Variants in DUSP15 observed in about 807,000 individuals in gnomAD.
DUSP15 encodes dual specificity protein phosphatase 15.
Under a neutral mutation model 26.3 loss-of-function variants are expected in DUSP15, and 23 were observed. The ratio of observed to expected loss-of-function variants is 0.87; its 90% CI spans 0.63 to 1.24. The LOEUF is 1.24. DUSP15 is among the 50% of genes most tolerant of loss of function. The probability of loss-of-function intolerance (pLI) is 0.00; values close to 1 mark genes in which losing one functional copy is unlikely to be tolerated. For synonymous variants in DUSP15, 143 were observed against 135.5 expected (o/e 1.06, Z -0.39); for missense variants, 364 against 320.6 (o/e 1.14, Z -1.03).
At chr20:31,849,797 C>T in exon 8 of DUSP15, 11 of 1,541,658 alleles carry the variant, frequency 7.1e-6, no homozygotes, top group Non-Finnish European at 9.6e-6. Context: ...CGGACTCAGA[C>T]GACAGCGCTG....
At chr20:31,849,504 A>T in intron 8 of DUSP15, 1 of 759,010 alleles carries the variant, frequency 1.3e-6, no homozygotes, top group Non-Finnish European at 2.4e-6. Flanking sequence ...CCCCGTTCCC[A>T]CGCCACTCTG....
chr20:31,846,442 T>TAGAGAGAGAGAGAGAGAGAGAGAGAGAG (rs71185371), downstream of DUSP15, among the ~76,000 whole-genome samples: 9 of 107,776 alleles, frequency 8.4e-5, no homozygotes, highest in African/African-American at 3.6e-4. Flanking sequence ...AAGGAATGAA[T>TAGAGAGAGAGAGAGAGAGAGAGAGAGAG]AGAGAGAGAG....
chr20:31,851,424 A>C (rs1431589471), intron 6 of DUSP15, among the ~76,000 whole-genome samples: 1 of 151,970 alleles, frequency 6.6e-6, no homozygotes, highest in African/African-American at 2.4e-5. Flanking sequence ...ATGGAGCTGG[A>C]CCCGATGGGG....
At chr20:31,868,188 A>G (rs1160855086) in intron 2 of DUSP15, among the ~76,000 whole-genome samples, 2 of 152,204 alleles carry the variant, frequency 1.3e-5, no homozygotes, top group African/African-American at 2.4e-5. Context: ...TTGGCTGGGC[A>G]CTGGAGGTCT....
chr20:31,850,519 C>A, intron 7 of DUSP15: 1 of 1,327,514 alleles, frequency 7.5e-7, no homozygotes. Flanking sequence ...GGGCTGGGTG[C>A]TTTGGGTGGG....
chr20:31,850,567 C>T, intron 7 of DUSP15: 1 of 1,584,516 alleles, frequency 6.3e-7, no homozygotes, highest in Non-Finnish European at 8.6e-7. Flanking sequence ...CGGCCGTCCC[C>T]AGTTCAGCAC....
downstream of DUSP15, among the ~76,000 whole-genome samples, chr20:31,846,926 T>A (rs1219020532): frequency 6.6e-6 from 1 of 152,102 alleles, no homozygotes; most frequent in Non-Finnish European, 1.5e-5. Flanking sequence ...AAGAGCCTAG[T>A]ATGGAGTAGG....
Position 31,861,388 on chromosome 20 carries a change from G to T in DUSP15, c.*15C>A, listed in dbSNP as rs772625177. The T allele has an allele frequency of 1.3e-6, 2 of 1,538,496 alleles. No homozygotes were observed. The highest frequency in any genetic ancestry group is 2.4e-5 in the South Asian group (2 of 82,628). ...GAGCCAGTCGGAAGTGGGGAGCCAC[G>T]GCTGGACTGCATCCTCACTTGCCGC... is the stretch of plus-strand genomic sequence containing the variant. On this transcript the variant is annotated 3_prime_UTR_variant, in exon 7 of 7. Transcript: ENST00000339738.
downstream of DUSP15, among the ~76,000 whole-genome samples, chr20:31,859,770 G>T (rs539134587): frequency 6.6e-6 from 1 of 152,276 alleles, no homozygotes; most frequent in East Asian, 1.9e-4. Flanking sequence ...TTAAATAGGG[G>T]AAGACACCAT....
chr20:31,865,063 C>T (rs186214340), intron 3 of DUSP15, 61 bp from the exon 4 acceptor site: 1 of 1,588,308 alleles, frequency 6.3e-7, no homozygotes, highest in East Asian at 2.2e-5. Flanking sequence ...TGATGCTGGT[C>T]CGAGCTGCCC....
At chr20:31,868,885 A>G (rs1293839059) in intron 2 of DUSP15, among the ~76,000 whole-genome samples, 1 of 152,190 alleles carries the variant, frequency 6.6e-6, no homozygotes, top group African/African-American at 2.4e-5. Flanking sequence ...GTATCTATAC[A>G]TGGGTGTCCC....
chr20:31,861,756 C>G, intron 6 of DUSP15, 81 bp from the exon 7 acceptor site: 1 of 1,169,618 alleles, frequency 8.5e-7, no homozygotes, highest in Non-Finnish European at 1.1e-6. Context: ...CCCACCCTCC[C>G]GACCTTCGCC....
downstream of DUSP15, among the ~76,000 whole-genome samples, chr20:31,860,394 C>T (rs2062624618): frequency 6.6e-6 from 1 of 152,236 alleles, no homozygotes; most frequent in Admixed American, 6.5e-5. Context: ...GTATCAGCTG[C>T]AGTGACTTCT....
At chr20:31,870,647 CACGGCCCGCGGGACA>C, upstream of DUSP15, 1 of 1,289,426 alleles carries the variant, frequency 7.8e-7, no homozygotes, top group South Asian at 2.4e-5. The surrounding 1 kb of genome is among the most constrained non-coding windows in gnomAD (Gnocchi z 6.6). Context: ...GTGCCGGGCC[CACGGCCCGCGGGACA>C]ACGGCAGTTT....
At chr20:31,864,814 C>T (rs2062731983) in intron 4 of DUSP15, 139 bp downstream of exon 4, 2 of 904,964 alleles carry the variant, frequency 2.2e-6, no homozygotes, top group African/African-American at 3.3e-5. Flanking sequence ...GAGACAGAGT[C>T]AAACCTGGGA....
At chr20:31,864,930 T>C (rs2062733738) in intron 4 of DUSP15, 23 bp downstream of exon 4, 2 of 1,611,270 alleles carry the variant, frequency 1.2e-6, no homozygotes, top group Non-Finnish European at 1.7e-6. Flanking sequence ...TGTCCATCTA[T>C]GGGTCCATCC....
At chr20:31,848,596 C>A in intron 9 of DUSP15, 1 of 1,536,380 alleles carries the variant, frequency 6.5e-7, no homozygotes. Flanking sequence ...ATGAGCAGAC[C>A]CTCTCCATTT....
rs951099113 is a variant in DUSP15 at position 31,870,028 on chromosome 20, A to C, written c.21+289T>G. 1.4e-5 allele frequency: 19 copies of C among 1,320,798 alleles called. No individual in the cohort carries two copies. The highest frequency in any genetic ancestry group is 1.7e-5 in the Non-Finnish European group (18 of 1,037,124). 81.8% of individuals were successfully genotyped at this position (1,320,798 alleles called of 1,614,324 possible). ...AGCGACAAGGGAGAGGGACACATGC[A>C]GACGGAGAGCAGGACTCACTGGGAG... On this transcript the variant is annotated intron_variant, in intron 1 of 6. Coordinates refer to ENST00000339738, the MANE Select transcript of DUSP15 (RefSeq NM_080611.5). The surrounding 1 kb of genome is among the most constrained non-coding windows in gnomAD (Gnocchi z 6.6).
chr20:31,848,146 G>T (rs890695777), exon 10 of DUSP15: 16 of 480,638 alleles, frequency 3.3e-5, no homozygotes, highest in African/African-American at 3.3e-4. Flanking sequence ...AAGAGATGAA[G>T]TCTTGCTTCT....
Sources: allele counts gnomAD v4.1 joint callset (sites outside exome capture counted in the v4.1 genomes callset), GRCh38; gene constraint gnomAD v4.1.1; non-coding constraint Gnocchi (gnomAD v3.1); transcripts MANE v1.5; gene names NCBI Gene and HGNC (gene_info 2026-07-23, HGNC 2026-07-21).